ARHGAP5: variants seen among roughly 807,000 people sequenced by gnomAD.
The protein encoded by ARHGAP5 is Rho GTPase activating protein 5, also known as rho GTPase-activating protein 5.
ARHGAP5 carries 23 observed loss-of-function variants against 116.6 expected under a neutral mutation model. That is an observed-to-expected ratio of 0.20 (90% CI 0.14 to 0.28). ARHGAP5 has a LOEUF of 0.28. Ranked by LOEUF, ARHGAP5 falls within the 10% of genes least tolerant of loss-of-function variation. The pLI is 1.00. For missense variants in ARHGAP5, 1,405 were observed against 1,774.8 expected (o/e 0.79, Z 3.74); for synonymous variants, 574 against 602.0 (o/e 0.95, Z 0.68).
intron 1 of ARHGAP5, among the ~76,000 whole-genome samples, chr14:32,085,851 T>A (rs1279788332): frequency 1.3e-5 from 2 of 152,222 alleles, no homozygotes; most frequent in Admixed American, 1.3e-4. Context: ...AAAAAAAATT[T>A]TTTTAAGATG....
chr14:32,152,692 G>T (rs1262837972), intron 6 of ARHGAP5, among the ~76,000 whole-genome samples, 164 bp downstream of exon 6: 1 of 152,112 alleles, frequency 6.6e-6, no homozygotes, highest in Non-Finnish European at 1.5e-5. Flanking sequence ...TATATGATTA[G>T]TTTTGTAATG....
rs1275927638 is a variant in ARHGAP5, at chr14:32,157,719, C to T, written c.*2771C>T. On this transcript the variant is annotated 3_prime_UTR_variant, in exon 7 of 7. Coordinates refer to ENST00000345122, the MANE Select transcript of ARHGAP5 (RefSeq NM_001030055.2). ...TAGTGCTTCTTCCCCTTAACATTTA[C>T]AGTGTAAATACTGCAGGTAACCGCA... 1 of 151,550 alleles carries T rather than the reference C, an allele frequency of 6.6e-6. No individual in the cohort carries two copies. Among genetic ancestry groups the T allele is most frequent in the East Asian group, 1.9e-4 (1 of 5,180 alleles). The allele number at this position is 151,550 out of a possible 1,614,324, so 9.4% of individuals were successfully genotyped here.
chr14:32,156,686 C>A lies in ARHGAP5; in HGVS notation c.*1738C>A, dbSNP rs1182097459. The A allele has an allele frequency of 6.6e-6, 1 of 152,188 alleles. No homozygotes were observed. The highest frequency in any genetic ancestry group is 1.5e-5 in the Non-Finnish European group (1 of 67,768). 9.4% of individuals were successfully genotyped at this position (152,188 alleles called of 1,614,324 possible). ...TTAACCTGTTCTATATTACTTATAC[C>A]TATTGTCTATATAGCTTTAATTTAT... On this transcript the variant is annotated 3_prime_UTR_variant, in exon 7 of 7. Transcript: ENST00000345122.
At chr14:32,139,703 C>T (rs1466581292) in intron 3 of ARHGAP5, among the ~76,000 whole-genome samples, 1 of 150,146 alleles carries the variant, frequency 6.7e-6, no homozygotes, top group Non-Finnish European at 1.5e-5. Context: ...TCTATTTTAT[C>T]TCTATATTAA....
chr14:32,153,568 G>A (rs1325889976), intron 6 of ARHGAP5, among the ~76,000 whole-genome samples: 1 of 148,974 alleles, frequency 6.7e-6, no homozygotes, highest in African/African-American at 2.5e-5. Context: ...CGCCTCCTGG[G>A]TTCAAGCAGT....
At position 32,139,457 on chromosome 14, in the gene ARHGAP5, A is replaced by G. The variant is rs1222594836; in HGVS notation, c.3866-6806A>G. Among the ~76,000 whole-genome samples, 4 of 152,104 alleles carry G rather than the reference A, an allele frequency of 2.6e-5. No homozygotes were observed. In the East Asian group the frequency reaches 7.7e-4, roughly 29 times the overall value. Reference sequence around the variant, plus strand: ...TTTGGTAGTTGGTATATTTCTAAAAAAGTTTATTTCATTTAACTTACCTAA... The same window carrying G: ...TTTGGTAGTTGGTATATTTCTAAAAGAGTTTATTTCATTTAACTTACCTAA... On this transcript the variant is annotated intron_variant, in intron 3 of 6. Coordinates refer to ENST00000345122, the MANE Select transcript of ARHGAP5 (RefSeq NM_001030055.2).
rs771017864 is a variant in ARHGAP5 at position 32,092,434 on chromosome 14, G to C, written c.1765G>C (p.Asp589His). The C allele has an allele frequency of 4.3e-6, 7 of 1,613,664 alleles. No individual in the cohort carries two copies. The African/African-American group carries it at 8.0e-5, about 18-fold the overall frequency. ...TCATGGCCGCTTAAGATTATATCAC[G>C]ATAGTACCAATATAGATAAAGTTAA... The part of the protein sequence containing the change: ...LDHGRLRLYH[D>H]STNIDKVNLF... Residue 589 changes from aspartate (D) to histidine (H), a missense_variant, in exon 2 of 7, where the codon GAT becomes CAT. Physicochemically the swap from Asp to His is moderately conservative, Grantham distance 81. This residue lies in a region of ARHGAP5 where 944 missense variants were observed against 1,095.3 expected (regional missense o/e 0.86). Coordinates refer to ENST00000345122, the MANE Select transcript of ARHGAP5 (RefSeq NM_001030055.2). This position sits in a 1 kb window ranked among gnomAD's most constrained non-coding sequence, Gnocchi z 4.1.
intron 2 of ARHGAP5, among the ~76,000 whole-genome samples, chr14:32,101,231 T>C (rs1327472696): frequency 1.3e-5 from 2 of 152,134 alleles, no homozygotes; most frequent in Non-Finnish European, 2.9e-5. Flanking sequence ...TCTTAAAAGA[T>C]TTTGCTGCTT....
intron 1 of ARHGAP5, among the ~76,000 whole-genome samples, chr14:32,084,192 T>C (rs2041806051): frequency 6.6e-6 from 1 of 152,176 alleles, no homozygotes; most frequent in Non-Finnish European, 1.5e-5. Flanking sequence ...AGCAGTGAAG[T>C]TTTTTTCAAA....
At chr14:32,108,766 G>C (rs1188782716) in intron 2 of ARHGAP5, among the ~76,000 whole-genome samples, 1 of 152,060 alleles carries the variant, frequency 6.6e-6, no homozygotes, top group Non-Finnish European at 1.5e-5. Context: ...TTTGGAAAGA[G>C]AAGGATTAAA....
At chr14:32,114,865 G>A in intron 2 of ARHGAP5, among the ~76,000 whole-genome samples, 1 of 152,188 alleles carries the variant, frequency 6.6e-6, no homozygotes, top group Non-Finnish European at 1.5e-5. Context: ...TTCAGGCATT[G>A]AAAGCCCTGC....
chr14:32,119,168 T>G (rs1879753911), intron 3 of ARHGAP5, among the ~76,000 whole-genome samples: 1 of 152,082 alleles, frequency 6.6e-6, no homozygotes. Flanking sequence ...CAGAAATTCC[T>G]AATTGCCTAC....
intron 1 of ARHGAP5, among the ~76,000 whole-genome samples, chr14:32,077,995 A>G (rs2041728594): frequency 6.6e-6 from 1 of 151,844 alleles, no homozygotes; most frequent in Non-Finnish European, 1.5e-5. Flanking sequence ...CCAATTTTCC[A>G]TCTGCTTTGA....
intron 3 of ARHGAP5, among the ~76,000 whole-genome samples, chr14:32,120,789 G>A (rs1178808762): frequency 6.6e-6 from 1 of 151,966 alleles, no homozygotes; most frequent in African/African-American, 2.4e-5. Context: ...ATTATAGTGT[G>A]AAGGGTTCTA....
intron 3 of ARHGAP5, among the ~76,000 whole-genome samples, chr14:32,132,593 G>C (rs1185286482): frequency 6.6e-6 from 1 of 152,170 alleles, no homozygotes; most frequent in African/African-American, 2.4e-5. Flanking sequence ...AGTTTAATTA[G>C]ATCCTATTTG....
At chr14:32,096,738 A>G (rs1369010666) in intron 2 of ARHGAP5, among the ~76,000 whole-genome samples, 1 of 152,252 alleles carries the variant, frequency 6.6e-6, no homozygotes, top group Non-Finnish European at 1.5e-5. Context: ...AGATCATTCC[A>G]ATGTTACATA....
chr14:32,132,185 G>C (rs964233470), intron 3 of ARHGAP5, among the ~76,000 whole-genome samples: 4 of 152,168 alleles, frequency 2.6e-5, no homozygotes, highest in African/African-American at 7.2e-5. Context: ...GGTTGAACCA[G>C]TTTAGAGTCC....
At chr14:32,154,042 C>T (rs1881780326) in intron 6 of ARHGAP5, 1 of 152,312 alleles carries the variant, frequency 6.6e-6, no homozygotes, top group Non-Finnish European at 1.5e-5. Flanking sequence ...TCTGGTTTTT[C>T]ATCTCTCACA....
chr14:32,149,849 T>C, intron 4 of ARHGAP5, 53 bp from the exon 5 acceptor site: 5 of 1,101,988 alleles, frequency 4.5e-6, no homozygotes, highest in Non-Finnish European at 6.1e-6. Context: ...TTTAGCTTGC[T>C]TCTATAATAA....
Sources: gnomAD v4.1 joint callset for allele counts (sites outside exome capture counted in the v4.1 genomes callset) on GRCh38, gnomAD v4.1.1 for gene constraint, gnomAD v4.1.1 regional missense constraint, Gnocchi (gnomAD v3.1) non-coding constraint, MANE v1.5 for transcripts, NCBI Gene and HGNC (gene_info 2026-07-23, HGNC 2026-07-21) for gene names.